Variants in TTLL5 observed in about 807,000 individuals in gnomAD.
TTLL5 encodes the protein tubulin polyglutamylase TTLL5.
A neutral mutation model predicts 168.4 loss-of-function variants in TTLL5; 132 were observed. That is an observed-to-expected ratio of 0.78 (90% confidence interval 0.68 to 0.91). TTLL5 has a LOEUF of 0.91. Among genes scored for constraint, TTLL5 ranks in the 40% least tolerant of loss-of-function variants. The pLI, the probability that TTLL5 is intolerant of heterozygous loss-of-function variation, is 0.00. For synonymous variants in TTLL5, 546 were observed against 558.6 expected (o/e 0.98, Z 0.32); for missense variants, 1,545 against 1,581.5 (o/e 0.98, Z 0.39).
At chr14:75,930,598 C>T in intron 31 of TTLL5, 1 of 985,094 alleles carries the variant, frequency 1.0e-6, no homozygotes, top group Non-Finnish European at 1.2e-6. Context: ...ACGTTTCTTG[C>T]AGAGAACAAG....
intron 26 of TTLL5, among the ~76,000 whole-genome samples, chr14:75,784,842 A>G (rs1481906524): frequency 6.6e-6 from 1 of 152,154 alleles, no homozygotes; most frequent in African/African-American, 2.4e-5. Flanking sequence ...ATGGCTAATG[A>G]TGTTGAATAT....
intron 29 of TTLL5, 118 bp downstream of exon 29, chr14:75,863,980 A>G (rs1476461887): frequency 6.2e-6 from 7 of 1,131,372 alleles, no homozygotes; most frequent in Non-Finnish European, 8.3e-6. Flanking sequence ...ACCCCGTGCC[A>G]TCCTGGCTTG....
intron 21 of TTLL5, among the ~76,000 whole-genome samples, chr14:75,772,967 C>T (rs1945452058): frequency 1.3e-5 from 2 of 151,814 alleles, no homozygotes; most frequent in South Asian, 4.2e-4. Context: ...GCGCCTGGCC[C>T]CATATTCTTT....
intron 31 of TTLL5, among the ~76,000 whole-genome samples, chr14:75,923,574 A>C (rs946007862): frequency 5.9e-5 from 9 of 152,104 alleles, no homozygotes; most frequent in Non-Finnish European, 8.8e-5. Flanking sequence ...GATCCGAGAG[A>C]CAGTTTGTTG....
intron 27 of TTLL5, among the ~76,000 whole-genome samples, chr14:75,807,224 G>A (rs572557495): frequency 2.0e-5 from 3 of 152,310 alleles, no homozygotes; most frequent in Admixed American, 6.5e-5. Flanking sequence ...GAGGTGGGTG[G>A]ATCGCTTGAG....
chr14:75,939,626 C>T (rs539010289), intron 31 of TTLL5, among the ~76,000 whole-genome samples: 1 of 152,152 alleles, frequency 6.6e-6, no homozygotes, highest in Non-Finnish European at 1.5e-5. Flanking sequence ...TGGGTTCAAG[C>T]GATCCTCCTG....
intron 31 of TTLL5, chr14:75,904,201 CCA>C: frequency 8.8e-7 from 1 of 1,139,690 alleles, no homozygotes. Context: ...CCTCACTCCT[CCA>C]AAAAAAAAAA....
At chr14:75,773,945 GAGAGAGAGAGAA>G (rs1352441789) in intron 21 of TTLL5, among the ~76,000 whole-genome samples, 63 of 42,360 alleles carry the variant, frequency 1.5e-3, no homozygotes, top group African/African-American at 3.6e-3. Flanking sequence ...GAGAGAGAGA[GAGAGAGAGAGAA>G]AGAGAGAGAG....
intron 31 of TTLL5, chr14:75,906,646 A>G: frequency 2.0e-6 from 2 of 985,928 alleles, no homozygotes; most frequent in Non-Finnish European, 2.4e-6. Flanking sequence ...GACAGAGAAA[A>G]TCAAAGTCGG....
intron 19 of TTLL5, 75 bp downstream of exon 19, chr14:75,764,847 G>A: frequency 2.6e-6 from 4 of 1,536,532 alleles, no homozygotes; most frequent in Non-Finnish European, 3.6e-6. Flanking sequence ...TGCTTACTCA[G>A]TATTTCATGA....
At chr14:75,682,822 A>C (rs1431539324) in intron 4 of TTLL5, among the ~76,000 whole-genome samples, 1 of 151,688 alleles carries the variant, frequency 6.6e-6, no homozygotes, top group South Asian at 2.1e-4. Context: ...GCAGGAGAAC[A>C]GTGGCATGAT....
chr14:75,706,974 T>A (rs771303490), intron 7 of TTLL5, 44 bp from the exon 8 acceptor site: 2 of 1,481,362 alleles, frequency 1.4e-6, no homozygotes, highest in African/African-American at 1.4e-5. Flanking sequence ...AAATTAGGAT[T>A]CCTGTGTATT....
chr14:75,774,859 T>G (rs1891623178), intron 21 of TTLL5, among the ~76,000 whole-genome samples: 1 of 152,016 alleles, frequency 6.6e-6, no homozygotes, highest in Non-Finnish European at 1.5e-5. Context: ...AGGCTAATTT[T>G]TGTATTTTTC....
intron 28 of TTLL5, among the ~76,000 whole-genome samples, chr14:75,839,379 C>T (rs1302073641): frequency 6.6e-6 from 1 of 152,194 alleles, no homozygotes; most frequent in Non-Finnish European, 1.5e-5. Context: ...AACTTATTTT[C>T]TGTCTTTTTG....
In TTLL5 at chr14:75,905,894, G is replaced by T. The variant is rs112227642; in HGVS notation, c.3823+3670G>T. On this transcript the variant is annotated intron_variant, in intron 31 of 31. Transcript: ENST00000298832. ...AACCTCTCCCTCCTTTTATTTTTAAGCTCTTAGTAGTCTGCAATTGGTGGA... is the reference window on the plus strand; with the variant it reads ...AACCTCTCCCTCCTTTTATTTTTAATCTCTTAGTAGTCTGCAATTGGTGGA... 4.2e-3 allele frequency among the ~76,000 whole-genome samples: 632 copies of T among 152,232 alleles called. 6 individuals are homozygous for T. The highest frequency in any genetic ancestry group is 0.014 in the African/African-American group (594 of 41,526).
chr14:75,797,520 T>C (rs1893060017), intron 27 of TTLL5, among the ~76,000 whole-genome samples: 1 of 152,194 alleles, frequency 6.6e-6, no homozygotes, highest in Admixed American at 6.5e-5. Flanking sequence ...ATTCAACTTT[T>C]CTACTTTTGG....
chr14:75,726,519 G>C (rs112575028), intron 12 of TTLL5, among the ~76,000 whole-genome samples: 167 of 152,276 alleles, frequency 1.1e-3, no homozygotes, highest in African/African-American at 3.8e-3. Context: ...AAGTGATAGG[G>C]AGGAGCAGAC....
At chr14:75,782,370 C>A in intron 24 of TTLL5, 117 bp from the exon 25 acceptor site, 2 of 751,246 alleles carry the variant, frequency 2.7e-6, no homozygotes, top group Non-Finnish European at 4.1e-6. Context: ...TGAGACGTGC[C>A]ATGTTTCCCA....
rs78096781 is a variant in TTLL5, at chr14:75,865,098, T to G, written c.3522+1236T>G. On this transcript the variant is annotated intron_variant, in intron 29 of 31. Coordinates refer to ENST00000298832, the MANE Select transcript of TTLL5 (RefSeq NM_015072.5). ...CCATTTTTACTGGAGAAAAATAAAA[T>G]CTCTTAATCTGGAAAGCATAGAATA... Among the ~76,000 whole-genome samples the G allele has an allele frequency of 6.1e-3, 926 of 152,208 alleles. 58 individuals carry two copies. The East Asian group carries it at 0.15, about 25-fold the overall frequency.
Sources: allele counts gnomAD v4.1 joint callset (sites outside exome capture counted in the v4.1 genomes callset), GRCh38; gene constraint gnomAD v4.1.1; transcripts MANE v1.5; gene names NCBI Gene and HGNC (gene_info 2026-07-23, HGNC 2026-07-21).